The following STEAP1B variants were observed in gnomAD, a reference collection of about 807,000 sequenced individuals.
STEAP1B encodes STEAP family protein MGC87042.
In STEAP1B, 13 loss-of-function variants were observed where a neutral mutation model predicts 27.9. The ratio of observed to expected loss-of-function variants is 0.47; its 90% CI spans 0.30 to 0.74. STEAP1B has a LOEUF of 0.74. Ranked by LOEUF, STEAP1B falls within the 30% of genes least tolerant of loss-of-function variation. The probability of loss-of-function intolerance (pLI) is 0.06; values close to 1 mark genes in which losing one functional copy is unlikely to be tolerated. For missense variants in STEAP1B, 250 were observed against 298.7 expected (o/e 0.84, Z 1.20); for synonymous variants, 86 against 107.1 (o/e 0.80, Z 1.22).
chr7:22,432,543 C>T (rs1243032888), intron 4 of STEAP1B, among the ~76,000 whole-genome samples: 1 of 152,074 alleles, frequency 6.6e-6, no homozygotes, highest in African/African-American at 2.4e-5. Flanking sequence ...ACCACTGACT[C>T]CAGCCTGGGC....
chr7:22,426,879 A>C (rs1284041821), intron 4 of STEAP1B, among the ~76,000 whole-genome samples: 2 of 152,238 alleles, frequency 1.3e-5, no homozygotes, highest in African/African-American at 4.8e-5. Context: ...CCTATTAATA[A>C]GTGACTGGCT....
At chr7:22,455,703 G>T (rs983272093) in intron 4 of STEAP1B, among the ~76,000 whole-genome samples, 4 of 152,202 alleles carry the variant, frequency 2.6e-5, no homozygotes, top group African/African-American at 9.7e-5. Flanking sequence ...AGAGGCAGAA[G>T]ATCAAAATAC....
At chr7:22,465,653 A>G (rs1022416402) in intron 4 of STEAP1B, among the ~76,000 whole-genome samples, 1 of 152,176 alleles carries the variant, frequency 6.6e-6, no homozygotes, top group African/African-American at 2.4e-5. Flanking sequence ...ATTAACCTCA[A>G]TAGGGAAGGC....
intron 4 of STEAP1B, among the ~76,000 whole-genome samples, chr7:22,480,388 C>T (rs554861137): frequency 6.6e-6 from 1 of 152,310 alleles, no homozygotes; most frequent in East Asian, 1.9e-4. Flanking sequence ...TGAGCGGCAG[C>T]GCCTTGTATC....
intron 4 of STEAP1B, among the ~76,000 whole-genome samples, chr7:22,473,804 G>A (rs4722144): frequency 0.47 from 71,816 of 151,924 alleles, 17,349 homozygotes; most frequent in African/African-American, 0.57. Flanking sequence ...GCCTCTGTAG[G>A]CTAGATCACA....
chr7:22,464,674 T>G (rs1270058047), intron 4 of STEAP1B, among the ~76,000 whole-genome samples: 1 of 151,748 alleles, frequency 6.6e-6, no homozygotes, highest in Non-Finnish European at 1.5e-5. Context: ...ACATCAGAGA[T>G]GCACGCACAC....
chr7:22,434,585 T>A (rs1027174389), intron 4 of STEAP1B, among the ~76,000 whole-genome samples: 2 of 151,306 alleles, frequency 1.3e-5, no homozygotes, highest in African/African-American at 4.9e-5. Context: ...TAGTTTGCAA[T>A]AAAGAAAATT....
At chr7:22,435,393 G>A (rs1396152131) in intron 4 of STEAP1B, among the ~76,000 whole-genome samples, 1 of 152,016 alleles carries the variant, frequency 6.6e-6, no homozygotes, top group Non-Finnish European at 1.5e-5. Context: ...AAGCTGGTGA[G>A]TGTCAAAACG....
At chr7:22,487,108 C>T (rs887234142) in intron 4 of STEAP1B, among the ~76,000 whole-genome samples, 2 of 152,194 alleles carry the variant, frequency 1.3e-5, no homozygotes, top group Non-Finnish European at 2.9e-5. Flanking sequence ...TACAGAGTCA[C>T]CATTATTTCT....
At chr7:22,466,795 G>A (rs767293251) in intron 4 of STEAP1B, among the ~76,000 whole-genome samples, 2 of 150,794 alleles carry the variant, frequency 1.3e-5, no homozygotes, top group Non-Finnish European at 3.0e-5. Context: ...AGATCTGTAA[G>A]GCTGTGCAGT....
intron 4 of STEAP1B, among the ~76,000 whole-genome samples, chr7:22,480,366 A>G (rs1015640649): frequency 3.3e-5 from 5 of 152,224 alleles, no homozygotes; most frequent in Non-Finnish European, 4.4e-5. Flanking sequence ...CTGAGACTGT[A>G]GTCACAGTCT....
intron 4 of STEAP1B, among the ~76,000 whole-genome samples, chr7:22,477,148 G>A (rs753147677): frequency 4.6e-4 from 70 of 152,308 alleles, no homozygotes; most frequent in Non-Finnish European, 1.3e-4. Flanking sequence ...CTGGTGAGAC[G>A]CAAGTCATGG....
rs188635319 is a variant in STEAP1B, at chr7:22,499,633, G to T, written c.-32+481C>A. Among the ~76,000 whole-genome samples, 394 of 152,248 alleles carry T rather than the reference G, an allele frequency of 2.6e-3. 2 individuals are homozygous for T. Among genetic ancestry groups the T allele is most frequent in the African/African-American group, 8.1e-3 (338 of 41,542 alleles). ...TTGGAGGGAACCTGAACCCCACCCA[G>T]ATCCTGAAAGAGTAGGGCCAGTGTT... is the stretch of plus-strand genomic sequence containing the variant. On this transcript the variant is annotated intron_variant, in intron 1 of 4. Coordinates refer to ENST00000678116, the MANE Select transcript of STEAP1B (RefSeq NM_001382447.1).
chr7:22,448,349 T>C (rs904651689), intron 4 of STEAP1B, among the ~76,000 whole-genome samples: 1 of 152,212 alleles, frequency 6.6e-6, no homozygotes. Context: ...AGAAATGATA[T>C]ATTTATCATC....
At chr7:22,463,407 T>C (rs1785713976) in intron 4 of STEAP1B, among the ~76,000 whole-genome samples, 1 of 152,044 alleles carries the variant, frequency 6.6e-6, no homozygotes, top group South Asian at 2.1e-4. Flanking sequence ...TTCAATGCCA[T>C]CCCCATCAAG....
intron 4 of STEAP1B, among the ~76,000 whole-genome samples, chr7:22,431,883 C>T (rs1315935608): frequency 1.3e-5 from 2 of 152,206 alleles, no homozygotes; most frequent in African/African-American, 4.8e-5. Context: ...TCCCTTATCC[C>T]ATCTGGCCCA....
At chr7:22,451,826 A>G (rs373678055) in intron 4 of STEAP1B, among the ~76,000 whole-genome samples, 2 of 152,128 alleles carry the variant, frequency 1.3e-5, no homozygotes, top group African/African-American at 4.8e-5. Context: ...ATTCATAGGT[A>G]TTGGCCTGTA....
In STEAP1B at chr7:22,445,096, G is replaced by A. The variant is rs186089229; in HGVS notation, c.763-25260C>T. Among the ~76,000 whole-genome samples the A allele has an allele frequency of 5.5e-4, 84 of 152,338 alleles. 1 individual carries two copies. Among genetic ancestry groups the A allele is most frequent in the Admixed American group, 5.0e-3 (77 of 15,308 alleles). ...CCTGAAGAATTTGGACAATGATGCC[G>A]GTTTCAGTTTAAAGGGCCTTTGGGC... is the stretch of plus-strand genomic sequence containing the variant. On this transcript the variant is annotated intron_variant, in intron 4 of 4. Coordinates refer to ENST00000678116, the MANE Select transcript of STEAP1B (RefSeq NM_001382447.1).
intron 4 of STEAP1B, among the ~76,000 whole-genome samples, chr7:22,448,222 T>A (rs746567448): frequency 6.6e-6 from 1 of 152,238 alleles, no homozygotes; most frequent in East Asian, 1.9e-4. Flanking sequence ...AAAGATGTAA[T>A]TATGGCACGT....
Sources: gnomAD v4.1 joint callset for allele counts (sites outside exome capture counted in the v4.1 genomes callset) on GRCh38, gnomAD v4.1.1 for gene constraint, MANE v1.5 for transcripts, NCBI Gene and HGNC (gene_info 2026-07-23, HGNC 2026-07-21) for gene names.